Variants in EGFR observed in about 807,000 individuals in gnomAD.
EGFR encodes epidermal growth factor receptor.
EGFR carries 58 observed loss-of-function variants against 143.0 expected under a neutral mutation model. That is an observed-to-expected ratio of 0.41 (90% CI 0.33 to 0.50). EGFR has a LOEUF of 0.50. Ranked by LOEUF, EGFR falls within the 20% of genes least tolerant of loss-of-function variation. The pLI is 0.39. For missense variants in EGFR, 1,307 were observed against 1,579.0 expected, an observed-to-expected ratio of 0.83 and a Z score of 2.92; for synonymous variants, 613 against 594.4, an observed-to-expected ratio of 1.03 and a Z score of -0.45.
At chr7:55,145,165 C>T (rs906039433) in intron 3 of EGFR, among the ~76,000 whole-genome samples, 3 of 152,162 alleles carry the variant, frequency 2.0e-5, no homozygotes, top group Non-Finnish European at 2.9e-5. Flanking sequence ...CTGTGGTGTG[C>T]TGAAGGCCCA....
intron 1 of EGFR, among the ~76,000 whole-genome samples, chr7:55,071,011 G>A (rs112463602): frequency 6.6e-5 from 10 of 152,346 alleles, no homozygotes; most frequent in Non-Finnish European, 1.0e-4. Context: ...AGCAGGTAAG[G>A]CCTGTGCCAA....
rs1788087005 is a variant in EGFR at position 55,205,779 on chromosome 7, C to T, written c.*162C>T. The stretch of plus-strand genomic sequence containing the variant: ...GACTAGCCAGGAAGTACTTCCACCT[C>T]GGGCACATTTTGGGAAGTTGCATTC... On this transcript the variant is annotated 3_prime_UTR_variant, in exon 28 of 28. Transcript: ENST00000275493. 2.7e-6 allele frequency: 3 copies of T among 1,100,808 alleles called. No homozygotes were observed. Among genetic ancestry groups the T allele is most frequent in the East Asian group, 5.0e-5 (2 of 39,832 alleles). 68.2% of individuals were successfully genotyped at this position (1,100,808 alleles called of 1,614,324 possible).
chr7:55,107,896 A>AT (rs1308604936), intron 1 of EGFR, among the ~76,000 whole-genome samples: 3 of 152,242 alleles, frequency 2.0e-5, no homozygotes, highest in African/African-American at 7.2e-5. Flanking sequence ...TCTCATGTAA[A>AT]TGGTACTATA....
chr7:55,078,526 G>T (rs1001096226), intron 1 of EGFR, among the ~76,000 whole-genome samples: 10 of 152,344 alleles, frequency 6.6e-5, no homozygotes, highest in Non-Finnish European at 1.5e-4. Flanking sequence ...CTGGTCCCCC[G>T]TGGGGAACTG....
chr7:55,203,840 T>C (rs2472521), intron 27 of EGFR, among the ~76,000 whole-genome samples: 71,046 of 151,334 alleles, frequency 0.47, 17,931 homozygotes, highest in Middle Eastern at 0.63. Flanking sequence ...ATAAAACATA[T>C]GTTATATATA....
chr7:55,157,814 C>G lies in EGFR; in HGVS notation c.1298+61C>G, dbSNP rs2128939912. ...TTTGCCTTTTTAGTTGGAAATTAGG[C>G]TTAACAGGAGAGTTGCTAAGATAGG... On this transcript the variant is annotated intron_variant, in intron 11 of 27. Transcript: ENST00000275493. 3 of 1,532,894 alleles carry G rather than the reference C, an allele frequency of 2.0e-6. No individual in the cohort carries two copies. The South Asian group carries it at 3.4e-5, about 17-fold the overall frequency. 95.0% of individuals were successfully genotyped at this position (1,532,894 alleles called of 1,614,324 possible).
At chr7:55,185,975 C>T (rs1787118682) in intron 20 of EGFR, among the ~76,000 whole-genome samples, 1 of 152,160 alleles carries the variant, frequency 6.6e-6, no homozygotes, top group Admixed American at 6.5e-5. Context: ...ACAAGAAGCC[C>T]CAGTGCCTGT....
intron 1 of EGFR, among the ~76,000 whole-genome samples, chr7:55,094,467 A>C (rs2128896559): frequency 6.6e-6 from 1 of 152,344 alleles, no homozygotes; most frequent in Admixed American, 6.5e-5. Context: ...CAAGGGCCTA[A>C]GATGTAGGCA....
intron 5 of EGFR, chr7:55,152,214 G>A (rs1250332207): frequency 4.3e-6 from 2 of 467,746 alleles, no homozygotes; most frequent in African/African-American, 4.0e-5. Flanking sequence ...GAATTGTGGG[G>A]GGGCTGTTAG....
intron 22 of EGFR, among the ~76,000 whole-genome samples, chr7:55,194,960 G>A (rs1396293238): frequency 6.6e-6 from 1 of 152,046 alleles, no homozygotes; most frequent in Non-Finnish European, 1.5e-5. Context: ...ATAAATTAGG[G>A]GCCTAGTGTG....
intron 1 of EGFR, among the ~76,000 whole-genome samples, chr7:55,058,535 GA>G (rs1433001728): frequency 2.0e-5 from 3 of 152,108 alleles, no homozygotes; most frequent in African/African-American, 7.2e-5. Context: ...CCATAAAAAA[GA>G]ACAAGATCAT....
intron 4 of EGFR, 62 bp downstream of exon 4, chr7:55,146,802 T>C: frequency 1.9e-6 from 3 of 1,609,566 alleles, no homozygotes; most frequent in Middle Eastern, 1.7e-4. Flanking sequence ...TCTACAGCAC[T>C]GGGGCAGGGG....
chr7:55,020,559 T>TACACAC (rs11568315), intron 1 of EGFR, among the ~76,000 whole-genome samples: 6,571 of 145,080 alleles, frequency 0.045, 231 homozygotes, highest in African/African-American at 0.097. Flanking sequence ...AAACCTGTCT[T>TACACAC]ACACACACAC....
intron 20 of EGFR, 73 bp downstream of exon 20, chr7:55,181,551 G>T: frequency 1.9e-6 from 3 of 1,583,524 alleles, no homozygotes; most frequent in Non-Finnish European, 2.6e-6. Flanking sequence ...GCGCTCCTGG[G>T]ATAGCAAGAG....
chr7:55,201,159 T>A (rs755030083), intron 24 of EGFR, 29 bp from the exon 25 acceptor site: 36 of 1,614,016 alleles, frequency 2.2e-5, no homozygotes, highest in Non-Finnish European at 3.0e-5. Flanking sequence ...CTACGGGCCA[T>A]TCTAATAGCC....
At chr7:55,110,028 T>C in intron 1 of EGFR, 3 of 826,746 alleles carry the variant, frequency 3.6e-6, no homozygotes, top group Non-Finnish European at 4.4e-6. Context: ...ACAGTGTATG[T>C]TGTTATGAGG....
intron 1 of EGFR, among the ~76,000 whole-genome samples, chr7:55,061,645 T>TGAGAGAGA (rs1431367339): frequency 2.5e-4 from 27 of 108,620 alleles, no homozygotes; most frequent in Non-Finnish European, 6.6e-5. Flanking sequence ...TGTGTGTGTG[T>TGAGAGAGA]GTGTGAGAGA....
chr7:55,159,771 G>A (rs1351049046), intron 11 of EGFR, among the ~76,000 whole-genome samples: 1 of 152,210 alleles, frequency 6.6e-6, no homozygotes, highest in African/African-American at 2.4e-5. Flanking sequence ...GACAGGTTGG[G>A]TGGTGGATAG....
intron 1 of EGFR, among the ~76,000 whole-genome samples, chr7:55,138,412 C>T (rs1282290202): frequency 6.6e-6 from 1 of 152,212 alleles, no homozygotes; most frequent in Non-Finnish European, 1.5e-5. Flanking sequence ...GAATCAACTA[C>T]TGAAATACCT....
Sources: gnomAD v4.1 joint callset for allele counts (sites outside exome capture counted in the v4.1 genomes callset) on GRCh38, gnomAD v4.1.1 for gene constraint, MANE v1.5 for transcripts, NCBI Gene and HGNC (gene_info 2026-07-23, HGNC 2026-07-21) for gene names.